Variants in MAML3 observed in about 807,000 individuals in gnomAD.
MAML3 encodes the protein mastermind-like protein 3.
MAML3 carries 27 observed loss-of-function variants against 101.9 expected under a neutral mutation model. The ratio of observed to expected loss-of-function variants is 0.27; its 90% CI spans 0.20 to 0.37. The LOEUF is 0.37. Ranked by LOEUF, MAML3 falls within the 10% of genes least tolerant of loss-of-function variation. The pLI is 1.00. For synonymous variants in MAML3, 501 were observed against 555.9 expected, an observed-to-expected ratio of 0.90 and a Z score of 1.39; for missense variants, 1,316 against 1,444.9, an observed-to-expected ratio of 0.91 and a Z score of 1.45.
chr4:139,981,956 G>A (rs1177068109), intron 1 of MAML3, among the ~76,000 whole-genome samples: 1 of 152,092 alleles, frequency 6.6e-6, no homozygotes, highest in Non-Finnish European at 1.5e-5. Flanking sequence ...TCTGGCTGAG[G>A]GAGTATTTGC....
chr4:139,854,904 A>T (rs1731628764), intron 2 of MAML3, among the ~76,000 whole-genome samples: 2 of 148,936 alleles, frequency 1.3e-5, no homozygotes, highest in South Asian at 4.3e-4. Context: ...TCTGAGCCTT[A>T]GACTCCTCAG....
intron 1 of MAML3, among the ~76,000 whole-genome samples, chr4:139,970,430 A>T (rs1734217564): frequency 6.6e-6 from 1 of 152,194 alleles, no homozygotes; most frequent in African/African-American, 2.4e-5. Flanking sequence ...TGGCTCTGAA[A>T]TCATGGTAGG....
At chr4:139,936,708 T>C (rs902315297) in intron 1 of MAML3, among the ~76,000 whole-genome samples, 1 of 152,046 alleles carries the variant, frequency 6.6e-6, no homozygotes, top group Admixed American at 6.6e-5. Flanking sequence ...ACCCTGTCTC[T>C]AAAAAACAAC....
intron 1 of MAML3, among the ~76,000 whole-genome samples, chr4:139,980,967 C>T (rs1354901073): frequency 3.3e-5 from 5 of 152,152 alleles, no homozygotes; most frequent in Admixed American, 3.3e-4. Flanking sequence ...GGCAAAAGTT[C>T]TGGGTTGGGA....
At chr4:139,869,152 T>C (rs1224101454) in intron 2 of MAML3, among the ~76,000 whole-genome samples, 1 of 152,236 alleles carries the variant, frequency 6.6e-6, no homozygotes, top group Non-Finnish European at 1.5e-5. Flanking sequence ...CTGATTGGTA[T>C]GTTCCAATTC....
rs552720315 is a variant in MAML3 at position 139,905,333 on chromosome 4, T to C, written c.469-14366A>G. On this transcript the variant is annotated intron_variant, in intron 1 of 4. Coordinates refer to ENST00000509479, the MANE Select transcript of MAML3 (RefSeq NM_018717.5). ...CGGTGAAACCTGTCTCTACTAAAAA[T>C]ACAAAAAAATTAGCTGGGTGTGGTG... Among the ~76,000 whole-genome samples, 4 of 151,490 alleles carry C rather than the reference T, an allele frequency of 2.6e-5. No individual in the cohort carries two copies. The South Asian group carries it at 8.3e-4, about 32-fold the overall frequency.
chr4:139,943,090 A>G (rs939700093), intron 1 of MAML3, among the ~76,000 whole-genome samples: 2 of 152,234 alleles, frequency 1.3e-5, no homozygotes, highest in African/African-American at 4.8e-5. Flanking sequence ...CAAAAATTTA[A>G]AGAATGTTTC....
At chr4:140,142,579 T>G (rs748361686) in intron 1 of MAML3, among the ~76,000 whole-genome samples, 9 of 152,216 alleles carry the variant, frequency 5.9e-5, no homozygotes, top group Non-Finnish European at 1.3e-4. Flanking sequence ...ATTGGCTTTT[T>G]AAATATATCT....
chr4:139,954,960 A>G (rs959777143), intron 1 of MAML3, among the ~76,000 whole-genome samples: 2 of 152,190 alleles, frequency 1.3e-5, no homozygotes, highest in African/African-American at 4.8e-5. Flanking sequence ...CGATAATGAT[A>G]ATAATAATGG....
chr4:139,906,816 T>C (rs1732831228), intron 1 of MAML3, among the ~76,000 whole-genome samples: 1 of 152,230 alleles, frequency 6.6e-6, no homozygotes, highest in Non-Finnish European at 1.5e-5. Context: ...TGCATGGTTA[T>C]AGCTCTCTAA....
chr4:139,806,104 T>C (rs1189273548), intron 2 of MAML3, among the ~76,000 whole-genome samples: 2 of 152,170 alleles, frequency 1.3e-5, no homozygotes, highest in Admixed American at 1.3e-4. Context: ...TGGTATAAAG[T>C]CTTTCTAAGT....
intron 1 of MAML3, among the ~76,000 whole-genome samples, chr4:140,105,221 T>A (rs1728330947): frequency 6.6e-6 from 1 of 152,206 alleles, no homozygotes. Context: ...CAAAATAAAG[T>A]CCTTTTGTGC....
At chr4:140,057,501 C>T (rs531874824) in intron 1 of MAML3, among the ~76,000 whole-genome samples, 26 of 152,154 alleles carry the variant, frequency 1.7e-4, no homozygotes, top group South Asian at 8.3e-4. Flanking sequence ...CGCAATATTC[C>T]GCATAGTTGA....
At chr4:139,841,527 G>C (rs1318195055) in intron 2 of MAML3, among the ~76,000 whole-genome samples, 1 of 152,190 alleles carries the variant, frequency 6.6e-6, no homozygotes, top group Non-Finnish European at 1.5e-5. Flanking sequence ...CTTCACTATC[G>C]GCGCTGACGC....
intron 1 of MAML3, among the ~76,000 whole-genome samples, chr4:140,014,489 A>C (rs548152641): frequency 1.3e-5 from 2 of 152,388 alleles, no homozygotes; most frequent in African/African-American, 4.8e-5. Flanking sequence ...AATACCACAC[A>C]GTCATCAGAA....
At chr4:139,910,485 C>G (rs1437274705) in intron 1 of MAML3, among the ~76,000 whole-genome samples, 1 of 152,100 alleles carries the variant, frequency 6.6e-6, no homozygotes, top group Non-Finnish European at 1.5e-5. Context: ...TATTTAAATA[C>G]TGAGGTATTT....
intron 1 of MAML3, among the ~76,000 whole-genome samples, chr4:140,092,075 C>T (rs890700519): frequency 6.5e-4 from 40 of 61,676 alleles, no homozygotes; most frequent in African/African-American, 1.3e-3. Context: ...TATATATATA[C>T]GTATATATAT....
At chr4:139,853,342 A>G (rs904386955) in intron 2 of MAML3, among the ~76,000 whole-genome samples, 15 of 152,194 alleles carry the variant, frequency 9.9e-5, no homozygotes, top group African/African-American at 3.1e-4. Flanking sequence ...GCTTGTATAT[A>G]TGTTCCAGGT....
intron 2 of MAML3, among the ~76,000 whole-genome samples, chr4:139,777,898 CT>C (rs1730121919): frequency 6.6e-6 from 1 of 152,204 alleles, no homozygotes. Context: ...CTTGCTGTTC[CT>C]GAAAAGCCAG....
Sources: gnomAD v4.1 joint callset for allele counts (sites outside exome capture counted in the v4.1 genomes callset) on GRCh38, gnomAD v4.1.1 for gene constraint, MANE v1.5 for transcripts, NCBI Gene and HGNC (gene_info 2026-07-23, HGNC 2026-07-21) for gene names.